Variants in PCDHGA4 observed in about 807,000 individuals in gnomAD.
PCDHGA4 encodes the protein protocadherin gamma-A4.
Under a neutral mutation model 54.6 loss-of-function variants are expected in PCDHGA4, and 38 were observed. The observed-to-expected ratio is 0.70, with a 90% CI of 0.54 to 0.91. The LOEUF (loss-of-function observed/expected upper bound fraction) is 0.91. PCDHGA4 is among the 40% of genes least tolerant of loss of function. PCDHGA4 has a pLI of 0.00. For missense variants in PCDHGA4, 1,298 were observed against 1,220.9 expected (o/e 1.06, Z -0.94); for synonymous variants, 511 against 512.9 (o/e 1.00, Z 0.05).
intron 1 of PCDHGA4, chr5:141,405,642 T>C (rs2094697537): frequency 1.9e-6 from 1 of 528,606 alleles, no homozygotes; most frequent in Non-Finnish European, 3.3e-6. Flanking sequence ...GCCCGGCTAA[T>C]TTTTTGTGTG....
chr5:141,418,635 C>G, intron 1 of PCDHGA4: 1 of 1,614,018 alleles, frequency 6.2e-7, no homozygotes. Flanking sequence ...CCTCCAGGCA[C>G]CTCCATCCTG....
At chr5:141,362,707 GT>G in intron 1 of PCDHGA4, 1 of 974,024 alleles carries the variant, frequency 1.0e-6, no homozygotes, top group Non-Finnish European at 1.5e-6. Flanking sequence ...AATTTTAAGT[GT>G]TTTCTCTCTG....
At chr5:141,383,255 T>C (rs772221697) in intron 1 of PCDHGA4, 32 of 1,613,816 alleles carry the variant, frequency 2.0e-5, no homozygotes, top group African/African-American at 2.7e-5. Flanking sequence ...CTTTACCCTA[T>C]AGACGTGGAA....
chr5:141,459,976 G>A (rs1013971472), intron 1 of PCDHGA4, among the ~76,000 whole-genome samples: 1 of 152,202 alleles, frequency 6.6e-6, no homozygotes, highest in Non-Finnish European at 1.5e-5. Flanking sequence ...TACTCAGGAG[G>A]CTGAGACAGG....
rs143168452 is a variant in PCDHGA4 at position 141,504,127 on chromosome 5, C to T, written c.2574-1266C>T. Among the ~76,000 whole-genome samples the T allele has an allele frequency of 1.3e-3, 195 of 152,220 alleles. 2 individuals carry two copies. The highest frequency in any genetic ancestry group is 4.4e-3 in the African/African-American group (181 of 41,520). On this transcript the variant is annotated intron_variant, in intron 2 of 3. Transcript: ENST00000571252. ...CTGTGTGTGTGCCAGGGCTGTTTCC[C>T]GCCAACACTCCCCTGCAAATTGAAA...
chr5:141,451,237 A>G (rs1405567593), intron 1 of PCDHGA4, among the ~76,000 whole-genome samples: 1 of 152,198 alleles, frequency 6.6e-6, no homozygotes, highest in Non-Finnish European at 1.5e-5. Context: ...TTATTATCTC[A>G]TAAATTTTGT....
At chr5:141,425,018 T>C (rs2096853023) in intron 1 of PCDHGA4, among the ~76,000 whole-genome samples, 1 of 152,224 alleles carries the variant, frequency 6.6e-6, no homozygotes, top group Non-Finnish European at 1.5e-5. Context: ...TTTAGGAATT[T>C]ACCTTATGTC....
rs768882594 is a variant in PCDHGA4, at chr5:141,360,320, C to T, written c.2514+2699C>T. Reference sequence around the variant, plus strand: ...CTGGGGCTCAGCGTCCGGGACTTGCCAGCCCGGAAGCTGCGGGTTAGCGCG... The same window carrying T: ...CTGGGGCTCAGCGTCCGGGACTTGCTAGCCCGGAAGCTGCGGGTTAGCGCG... On this transcript the variant is annotated intron_variant, in intron 1 of 3. Transcript: ENST00000571252. The T allele has an allele frequency of 1.1e-5, 18 of 1,613,930 alleles. No individual in the cohort carries two copies. Among genetic ancestry groups the T allele is most frequent in the Admixed American group, 6.7e-5 (4 of 60,022 alleles).
chr5:141,482,510 T>A (rs2099563292), intron 1 of PCDHGA4, among the ~76,000 whole-genome samples: 3 of 121,012 alleles, frequency 2.5e-5, no homozygotes, highest in African/African-American at 3.5e-5. Context: ...GTACCCAGAG[T>A]ACAGTATGAG....
chr5:141,468,049 G>C (rs2099156671), intron 1 of PCDHGA4, among the ~76,000 whole-genome samples: 1 of 152,068 alleles, frequency 6.6e-6, no homozygotes, highest in African/African-American at 2.4e-5. Context: ...ACTAAGCCGG[G>C]CACAGTGGCT....
At position 141,421,588 on chromosome 5, in the gene PCDHGA4, G is replaced by C; in HGVS notation, c.2514+63967G>C. 3 of 1,613,910 alleles carry C rather than the reference G, an allele frequency of 1.9e-6. No homozygotes were observed. The South Asian group carries it at 3.3e-5, about 18-fold the overall frequency. ...AGACACCTTGAAGATTTACGGAGTGGAGGTGGAAATAATAGATATTAATGA... is the reference window on the plus strand; with the variant it reads ...AGACACCTTGAAGATTTACGGAGTGCAGGTGGAAATAATAGATATTAATGA... On this transcript the variant is annotated intron_variant, in intron 1 of 3. Coordinates refer to ENST00000571252, the MANE Select transcript of PCDHGA4 (RefSeq NM_018917.4).
rs2099417434 is a variant in PCDHGA4, at chr5:141,477,762, C to T, written c.2515-17045C>T. 1 of 1,613,968 alleles carries T rather than the reference C, an allele frequency of 6.2e-7. No homozygotes were observed. The highest frequency in any genetic ancestry group is 8.5e-7 in the Non-Finnish European group (1 of 1,180,032). On this transcript the variant is annotated intron_variant, in intron 1 of 3. Transcript: ENST00000571252. This position sits in a 1 kb window ranked among gnomAD's most constrained non-coding sequence, Gnocchi z 4.9. ...GATGGGGGCACCCCGGTCCTAGCCA[C>T]CAACATCAGCGTGAACATATTTGTC...
intron 1 of PCDHGA4, among the ~76,000 whole-genome samples, chr5:141,467,330 G>T (rs1335387199): frequency 6.6e-6 from 1 of 152,138 alleles, no homozygotes; most frequent in East Asian, 1.9e-4. Context: ...TGGGATTAGA[G>T]ACGTAAGCCA....
At chr5:141,406,870 G>T (rs903338003) in intron 1 of PCDHGA4, among the ~76,000 whole-genome samples, 1 of 152,230 alleles carries the variant, frequency 6.6e-6, no homozygotes, top group Non-Finnish European at 1.5e-5. Flanking sequence ...CTCAGGAACT[G>T]CTGGGAAGAT....
Position 141,487,532 on chromosome 5 carries a change from A to T in PCDHGA4, c.2515-7275A>T. 6.2e-7 allele frequency: 1 copy of T among 1,614,158 alleles called. No homozygotes were observed. The highest frequency in any genetic ancestry group is 8.5e-7 in the Non-Finnish European group (1 of 1,180,022). ...ACCCACTCGGAGTGATAGCTTCATG[A>T]TGGTGAAGTCACCCAGTGCACCTAT... is the stretch of plus-strand genomic sequence containing the variant. On this transcript the variant is annotated intron_variant, in intron 1 of 3. Transcript: ENST00000571252. This position sits in a 1 kb window ranked among gnomAD's most constrained non-coding sequence, Gnocchi z 5.0.
intron 1 of PCDHGA4, chr5:141,375,951 C>G (rs767101939): frequency 1.2e-6 from 2 of 1,613,526 alleles, no homozygotes; most frequent in Admixed American, 3.3e-5. Context: ...GGCCTGCACA[C>G]GGGCGAGGTG....
chr5:141,426,364 G>C (rs918838005), intron 1 of PCDHGA4: 1 of 202,328 alleles, frequency 4.9e-6, no homozygotes, highest in Non-Finnish European at 1.0e-5. Flanking sequence ...TTTGTTCTGC[G>C]GGGCACCCTC....
chr5:141,490,065 C>A lies in PCDHGA4; in HGVS notation c.2515-4742C>A, dbSNP rs1161257597. ...CTGATCCAGACGAGGGCACCAACGG[C>A]CAACTAGACTATTCTTTTGGAGACC... On this transcript the variant is annotated intron_variant, in intron 1 of 3. Coordinates refer to ENST00000571252, the MANE Select transcript of PCDHGA4 (RefSeq NM_018917.4). This position sits in a 1 kb window ranked among gnomAD's most constrained non-coding sequence, Gnocchi z 5.4. 1 of 1,614,258 alleles carries A rather than the reference C, an allele frequency of 6.2e-7. No individual in the cohort carries two copies. Among genetic ancestry groups the A allele is most frequent in the South Asian group, 1.1e-5 (1 of 91,090 alleles).
At chr5:141,364,388 C>T in intron 1 of PCDHGA4, 2 of 1,600,174 alleles carry the variant, frequency 1.2e-6, no homozygotes, top group South Asian at 2.3e-5. Context: ...CTTCATGCTC[C>T]TGGGGACGCT....
Sources: allele counts gnomAD v4.1 joint callset (sites outside exome capture counted in the v4.1 genomes callset), GRCh38; gene constraint gnomAD v4.1.1; non-coding constraint Gnocchi (gnomAD v3.1); transcripts MANE v1.5; gene names NCBI Gene and HGNC (gene_info 2026-07-23, HGNC 2026-07-21).